SPATA13: variants seen among roughly 807,000 people sequenced by gnomAD.
SPATA13 encodes the protein spermatogenesis associated 13.
In SPATA13, 50 loss-of-function variants were observed where a neutral mutation model predicts 104.0. The observed-to-expected ratio is 0.48, with a 90% CI of 0.38 to 0.61. The LOEUF (loss-of-function observed/expected upper bound fraction) is 0.61. Ranked by LOEUF, SPATA13 falls within the 20% of genes least tolerant of loss-of-function variation. SPATA13 has a pLI of 0.00. For synonymous variants in SPATA13, 606 were observed against 667.5 expected (o/e 0.91, Z 1.42); for missense variants, 1,524 against 1,690.6 (o/e 0.90, Z 1.73).
At chr13:24,211,683 A>G (rs1871022667) in intron 1 of SPATA13, among the ~76,000 whole-genome samples, 1 of 151,872 alleles carries the variant, frequency 6.6e-6, no homozygotes, top group Admixed American at 6.6e-5. Flanking sequence ...CTCTCTCCCC[A>G]TCACCTCTCC....
chr13:24,003,354 A>G (rs562659447), intron 2 of SPATA13, among the ~76,000 whole-genome samples: 1 of 152,362 alleles, frequency 6.6e-6, no homozygotes, highest in Admixed American at 6.5e-5. Flanking sequence ...ATGAGATAAC[A>G]GCAGGTTTAC....
intron 11 of SPATA13, 69 bp downstream of exon 11, chr13:24,297,804 A>G (rs1566202820): frequency 4.6e-6 from 7 of 1,528,620 alleles, no homozygotes; most frequent in South Asian, 1.3e-5. Flanking sequence ...CTCCACTCCC[A>G]TGGGCCTGCT....
At chr13:24,058,304 AACTC>A (rs1026547259) in intron 3 of SPATA13, among the ~76,000 whole-genome samples, 11 of 151,794 alleles carry the variant, frequency 7.2e-5, no homozygotes, top group African/African-American at 2.2e-4. Context: ...GGTAATAGAA[AACTC>A]ACTCACCTGA....
intron 3 of SPATA13, among the ~76,000 whole-genome samples, chr13:24,100,145 A>T (rs1339653899): frequency 3.2e-5 from 4 of 126,712 alleles, no homozygotes; most frequent in African/African-American, 1.8e-4. Flanking sequence ...AATAGTTTAA[A>T]AAAAAAAAAG....
chr13:24,158,427 G>A (rs988505874), upstream of SPATA13, among the ~76,000 whole-genome samples: 1 of 152,300 alleles, frequency 6.6e-6, no homozygotes, highest in East Asian at 1.9e-4. Flanking sequence ...TTTAGCTATT[G>A]CTCGTCCTAA....
chr13:24,125,181 G>A (rs551891944), intron 3 of SPATA13, among the ~76,000 whole-genome samples: 3 of 152,318 alleles, frequency 2.0e-5, no homozygotes, highest in South Asian at 2.1e-4. Context: ...TGGAGAGGCC[G>A]CTACACTGGC....
chr13:24,206,225 C>T (rs1288234669), intron 1 of SPATA13, among the ~76,000 whole-genome samples: 1 of 151,650 alleles, frequency 6.6e-6, no homozygotes, highest in East Asian at 1.9e-4. Flanking sequence ...AACAAATTTA[C>T]AAGAAAAAAA....
chr13:24,249,122 G>A (rs957909499), intron 2 of SPATA13, among the ~76,000 whole-genome samples: 2 of 152,080 alleles, frequency 1.3e-5, no homozygotes, highest in African/African-American at 4.8e-5. Context: ...TGCCTGCCTC[G>A]GCCTCCCAGA....
At chr13:24,004,702 A>T (rs1201388588) in intron 2 of SPATA13, among the ~76,000 whole-genome samples, 1 of 152,150 alleles carries the variant, frequency 6.6e-6, no homozygotes, top group Non-Finnish European at 1.5e-5. Flanking sequence ...AGGGCTGAAA[A>T]TTTACATTCC....
At chr13:24,196,967 G>T (rs1312619306) in intron 1 of SPATA13, among the ~76,000 whole-genome samples, 2 of 152,114 alleles carry the variant, frequency 1.3e-5, no homozygotes, top group Non-Finnish European at 2.9e-5. Context: ...TGAGTACGGG[G>T]TGAGTAGTGA....
At position 24,013,078 on chromosome 13, in the gene SPATA13, A is replaced by G. The variant is rs61945309; in HGVS notation, c.-146-4589A>G. Among the ~76,000 whole-genome samples the G allele has an allele frequency of 5.3e-3, 800 of 152,288 alleles. 6 individuals are homozygous for G. The highest frequency in any genetic ancestry group is 9.6e-3 in the Non-Finnish European group (653 of 68,002). Reference sequence around the variant, plus strand: ...GCTAATACCCCACTGGCTGCAGCCCATGTGGCTGAGCCCAGAGCCAGGGTG... The same window carrying G: ...GCTAATACCCCACTGGCTGCAGCCCGTGTGGCTGAGCCCAGAGCCAGGGTG... On this transcript the variant is annotated intron_variant, in intron 2 of 14. Transcript: ENST00000424834.
intron 2 of SPATA13, among the ~76,000 whole-genome samples, chr13:24,246,579 G>C (rs1053015860): frequency 1.3e-5 from 2 of 152,182 alleles, no homozygotes; most frequent in Non-Finnish European, 2.9e-5. Context: ...TGTGACTCAG[G>C]CCGGGTGTGG....
At chr13:24,159,611 A>G (rs1362726800), upstream of SPATA13, among the ~76,000 whole-genome samples, 1 of 152,252 alleles carries the variant, frequency 6.6e-6, no homozygotes, top group East Asian at 1.9e-4. Context: ...TCCATTACTT[A>G]CAGGAGGCTC....
intron 3 of SPATA13, among the ~76,000 whole-genome samples, chr13:24,126,824 G>A (rs1593346757): frequency 6.6e-6 from 1 of 152,196 alleles, no homozygotes; most frequent in African/African-American, 2.4e-5. Flanking sequence ...GTCAGCTTGG[G>A]GATTTGGTTA....
chr13:24,245,592 T>TTC (rs1555272020), intron 2 of SPATA13, among the ~76,000 whole-genome samples: 1 of 145,346 alleles, frequency 6.9e-6, no homozygotes, highest in East Asian at 2.0e-4. Flanking sequence ...TTCTTTTTTT[T>TTC]TTTTTTTTTT....
intron 3 of SPATA13, among the ~76,000 whole-genome samples, chr13:24,140,596 T>C (rs547053890): frequency 7.9e-5 from 12 of 152,346 alleles, no homozygotes; most frequent in African/African-American, 2.9e-4. Context: ...CAGTCTCATG[T>C]GTGCCCCTGC....
At chr13:24,087,092 G>A (rs945803906) in intron 3 of SPATA13, among the ~76,000 whole-genome samples, 2 of 152,042 alleles carry the variant, frequency 1.3e-5, no homozygotes, top group African/African-American at 4.8e-5. Flanking sequence ...CAGTGGGCTT[G>A]GACCTCACTT....
intron 2 of SPATA13, among the ~76,000 whole-genome samples, chr13:24,013,885 G>T (rs141796310): frequency 3.9e-5 from 6 of 152,206 alleles, no homozygotes; most frequent in African/African-American, 1.4e-4. Context: ...TTGTTCATGA[G>T]GTTATTGGGA....
intron 3 of SPATA13, among the ~76,000 whole-genome samples, chr13:24,062,797 T>G (rs1025233336): frequency 6.6e-6 from 1 of 152,192 alleles, no homozygotes; most frequent in African/African-American, 2.4e-5. Context: ...TTCATAGCCC[T>G]TCTTGAAGAT....
Sources: gnomAD v4.1 joint callset for allele counts (sites outside exome capture counted in the v4.1 genomes callset) on GRCh38, gnomAD v4.1.1 for gene constraint, MANE v1.5 for transcripts, NCBI Gene and HGNC (gene_info 2026-07-23, HGNC 2026-07-21) for gene names.